ADGRL3: variants seen among roughly 807,000 people sequenced by gnomAD.
ADGRL3 encodes the protein adhesion G protein-coupled receptor L3.
ADGRL3 carries 62 observed loss-of-function variants against 153.5 expected under a neutral mutation model. The observed-to-expected ratio is 0.40, with a 90% CI of 0.33 to 0.50. The LOEUF is 0.50. ADGRL3 is among the 20% of genes least tolerant of loss of function. The pLI, the probability that ADGRL3 is intolerant of heterozygous loss-of-function variation, is 0.47. For missense variants in ADGRL3, 1,641 were observed against 1,859.4 expected, an observed-to-expected ratio of 0.88 and a Z score of 2.16; for synonymous variants, 710 against 672.5, an observed-to-expected ratio of 1.06 and a Z score of -0.86.
At chr4:61,948,572 A>G (rs544736772) in intron 17 of ADGRL3, among the ~76,000 whole-genome samples, 15 of 152,292 alleles carry the variant, frequency 9.8e-5, no homozygotes, top group African/African-American at 3.6e-4. Context: ...ACAGGGTAAG[A>G]TAGGACTCCA....
At chr4:61,553,784 G>A (rs2098751581) in intron 4 of ADGRL3, among the ~76,000 whole-genome samples, 1 of 151,800 alleles carries the variant, frequency 6.6e-6, no homozygotes. Context: ...TTGTAGACTT[G>A]GTCCAAGCTC....
intron 9 of ADGRL3, among the ~76,000 whole-genome samples, chr4:61,818,134 T>C (rs1366861854): frequency 1.3e-5 from 2 of 152,212 alleles, no homozygotes; most frequent in Non-Finnish European, 2.9e-5. Context: ...CTTCTGCCTA[T>C]GAGCCTGTAA....
chr4:62,022,060 C>CT (rs1181811625), intron 21 of ADGRL3, among the ~76,000 whole-genome samples: 10 of 152,216 alleles, frequency 6.6e-5, no homozygotes, highest in Admixed American at 5.9e-4. Flanking sequence ...AGCCAATCCT[C>CT]TTTAACAGTT....
chr4:61,585,598 A>G lies in ADGRL3; in HGVS notation c.260-1629A>G, dbSNP rs186123327. ...TCAACTATAAATGCAAATTTAAGCT[A>G]TCATGTATGTTTCTCTATAACTGAT... On this transcript the variant is annotated intron_variant, in intron 4 of 26. Coordinates refer to ENST00000683033, the MANE Select transcript of ADGRL3 (RefSeq NM_001387552.1). 9.2e-5 allele frequency among the ~76,000 whole-genome samples: 14 copies of G among 152,174 alleles called. 1 individual carries two copies. Among genetic ancestry groups the G allele is most frequent in the African/African-American group, 3.1e-4 (13 of 41,562 alleles).
intron 2 of ADGRL3, among the ~76,000 whole-genome samples, chr4:61,466,301 T>C (rs1014677014): frequency 1.3e-5 from 2 of 152,134 alleles, no homozygotes; most frequent in Non-Finnish European, 2.9e-5. Context: ...TTAGAAAAAT[T>C]GTCGTCTCTA....
intron 2 of ADGRL3, among the ~76,000 whole-genome samples, chr4:61,391,573 T>G (rs575475445): frequency 6.6e-6 from 1 of 152,256 alleles, no homozygotes; most frequent in South Asian, 2.1e-4. Context: ...TTTTCATCAC[T>G]CTAGGTTAAA....
chr4:61,308,347 C>T (rs2094877044), intron 1 of ADGRL3, among the ~76,000 whole-genome samples: 2 of 152,110 alleles, frequency 1.3e-5, no homozygotes, highest in African/African-American at 4.8e-5. Context: ...CCAGCACTTC[C>T]CTGGAAGGGT....
At chr4:62,068,108 C>A (rs1743973804) in intron 25 of ADGRL3, 58 bp from the exon 26 acceptor site, 1 of 1,207,266 alleles carries the variant, frequency 8.3e-7, no homozygotes, top group Admixed American at 2.4e-5. Context: ...GTTTCTTCTA[C>A]TGTCGCTGTA....
At chr4:61,953,248 G>A (rs1019480402) in intron 17 of ADGRL3, among the ~76,000 whole-genome samples, 1 of 152,116 alleles carries the variant, frequency 6.6e-6, no homozygotes, top group Non-Finnish European at 1.5e-5. Context: ...AGGAAAATCT[G>A]TAAAGGAAAC....
At chr4:61,717,384 C>A (rs963149390) in intron 6 of ADGRL3, among the ~76,000 whole-genome samples, 1 of 152,030 alleles carries the variant, frequency 6.6e-6, no homozygotes, top group Admixed American at 6.6e-5. Flanking sequence ...AATTCAGTAC[C>A]AACTGATCTG....
In ADGRL3 at chr4:62,071,635, T is replaced by C. The variant is rs1266009625; in HGVS notation, c.*727T>C. The C allele has an allele frequency of 2.7e-6, 1 of 370,758 alleles. No individual in the cohort carries two copies. Among genetic ancestry groups the C allele is most frequent in the Non-Finnish European group, 5.2e-6 (1 of 193,944 alleles). 23.0% of individuals were successfully genotyped at this position (370,758 alleles called of 1,614,324 possible). The stretch of plus-strand genomic sequence containing the variant: ...CAGAATTTGAGTCCTGTTAATGTAG[T>C]AGAAAAAAAAAAAAGAAATTTTCTT... On this transcript the variant is annotated 3_prime_UTR_variant, in exon 27 of 27. Coordinates refer to ENST00000683033, the MANE Select transcript of ADGRL3 (RefSeq NM_001387552.1).
intron 2 of ADGRL3, among the ~76,000 whole-genome samples, chr4:61,388,802 A>C (rs778945095): frequency 6.6e-6 from 1 of 152,024 alleles, no homozygotes; most frequent in Non-Finnish European, 1.5e-5. Flanking sequence ...CTTTCTACCT[A>C]TCAGTCTTCC....
chr4:61,588,931 T>A (rs920795402), intron 5 of ADGRL3, among the ~76,000 whole-genome samples: 21 of 152,232 alleles, frequency 1.4e-4, no homozygotes, highest in African/African-American at 4.8e-4. Context: ...TGCCTTTCTC[T>A]GATTCATTTT....
chr4:61,281,184 A>G (rs2093708659), intron 1 of ADGRL3, among the ~76,000 whole-genome samples: 1 of 123,704 alleles, frequency 8.1e-6, no homozygotes, highest in Non-Finnish European at 1.8e-5. Flanking sequence ...TAAAAAAGGT[A>G]ATAGTTTTTT....
At chr4:62,047,820 A>G (rs955748964) in intron 25 of ADGRL3, among the ~76,000 whole-genome samples, 4 of 152,124 alleles carry the variant, frequency 2.6e-5, no homozygotes, top group Middle Eastern at 3.2e-3. Context: ...ACACTTAGAC[A>G]AATTCAGAAT....
chr4:61,892,626 G>A (rs1286070478), intron 9 of ADGRL3, 30 bp from the exon 10 acceptor site: 1 of 1,551,936 alleles, frequency 6.4e-7, no homozygotes, highest in South Asian at 1.1e-5. Flanking sequence ...AACAAGCAAT[G>A]TAGGTGTTTT....
In ADGRL3 at chr4:61,886,146, G is replaced by A. The variant is rs976072999; in HGVS notation, c.1481-6510G>A. 2.0e-5 allele frequency among the ~76,000 whole-genome samples: 3 copies of A among 152,146 alleles called. No homozygotes were observed. The South Asian group carries it at 6.2e-4, about 31-fold the overall frequency. On this transcript the variant is annotated intron_variant, in intron 9 of 26. Coordinates refer to ENST00000683033, the MANE Select transcript of ADGRL3 (RefSeq NM_001387552.1). ...CTATCTCGGGAGGCCATGGAGCCAA[G>A]TATTAAAATGAATTCTGAAGAGAAT...
intron 5 of ADGRL3, among the ~76,000 whole-genome samples, chr4:61,653,632 T>C (rs1281885188): frequency 1.3e-5 from 2 of 152,224 alleles, no homozygotes; most frequent in Non-Finnish European, 2.9e-5. Context: ...GTCCTTTGTA[T>C]TGGGCTTCAT....
Position 62,073,902 on chromosome 4 carries a change from A to T in ADGRL3, c.*2994A>T, listed in dbSNP as rs1467999236. On this transcript the variant is annotated 3_prime_UTR_variant, in exon 27 of 27. Coordinates refer to ENST00000683033, the MANE Select transcript of ADGRL3 (RefSeq NM_001387552.1). ...GAGAGAAATTTCCCCTGCAAGTATT[A>T]TGTAACCGTAATTAAAAAAAATGGA... is the stretch of plus-strand genomic sequence containing the variant. 6.6e-6 allele frequency: 1 copy of T among 152,110 alleles called. No homozygotes were observed. Among genetic ancestry groups the T allele is most frequent in the Non-Finnish European group, 1.5e-5 (1 of 67,994 alleles). The allele number at this position is 152,110 out of a possible 1,614,324, so 9.4% of individuals were successfully genotyped here.
Sources: allele counts gnomAD v4.1 joint callset (sites outside exome capture counted in the v4.1 genomes callset), GRCh38; gene constraint gnomAD v4.1.1; transcripts MANE v1.5; gene names NCBI Gene and HGNC (gene_info 2026-07-23, HGNC 2026-07-21).